Variants in ME1 observed in about 807,000 individuals in gnomAD.
ME1 encodes NADP-dependent malic enzyme.
ME1 carries 74 observed loss-of-function variants against 66.4 expected under a neutral mutation model. The observed-to-expected ratio is 1.11, with a 90% CI of 0.92 to 1.35. ME1 has a LOEUF of 1.35. Among genes scored for constraint, ME1 ranks in the 40% most tolerant of loss-of-function variants. The pLI, the probability that ME1 is intolerant of heterozygous loss-of-function variation, is 0.00. For synonymous variants in ME1, 251 were observed against 235.6 expected, an observed-to-expected ratio of 1.07 and a Z score of -0.60; for missense variants, 750 against 694.1, an observed-to-expected ratio of 1.08 and a Z score of -0.90.
Position 83,239,610 on chromosome 6 carries a change from G to C in ME1, c.841C>G (p.Leu281Val), listed in dbSNP as rs1220161043. 6.2e-7 allele frequency: 1 copy of C among 1,612,878 alleles called. No individual in the cohort carries two copies. Among genetic ancestry groups the C allele is most frequent in the African/African-American group, 1.3e-5 (1 of 74,888 alleles). Residue 281 changes from leucine (L) to valine (V), a missense_variant, in exon 8 of 14, where the codon CTC (leucine) becomes GTC (valine). Transcript: ENST00000369705. ...QGTASVAVAG[L>V]LAALRITKNK... The stretch of plus-strand genomic sequence containing the variant: ...TTGGTTATTCGAAGAGCTGCAAGGA[G>C]ACCTGCAACTGCAACAGATGCTGTT...
intron 9 of ME1, among the ~76,000 whole-genome samples, chr6:83,229,814 A>C (rs1405489296): frequency 2.6e-5 from 4 of 152,112 alleles, no homozygotes; most frequent in African/African-American, 9.7e-5. Context: ...AAAGGGTATT[A>C]TCATTTTATT....
chr6:83,349,138 G>T (rs1204897277), intron 4 of ME1, among the ~76,000 whole-genome samples: 1 of 151,288 alleles, frequency 6.6e-6, no homozygotes, highest in Non-Finnish European at 1.5e-5. Flanking sequence ...AGTTTGAGAA[G>T]TTTTTAAAAT....
At chr6:83,249,651 A>G (rs993262630) in intron 7 of ME1, among the ~76,000 whole-genome samples, 6 of 152,132 alleles carry the variant, frequency 3.9e-5, no homozygotes, top group Non-Finnish European at 8.8e-5. Flanking sequence ...ACTTTCTTTG[A>G]TCACCTCATT....
chr6:83,217,212 G>C (rs974539321), intron 12 of ME1, among the ~76,000 whole-genome samples: 10 of 152,150 alleles, frequency 6.6e-5, no homozygotes, highest in African/African-American at 2.2e-4. Flanking sequence ...GGCAGAGAGG[G>C]AGACTCAGTA....
intron 6 of ME1, among the ~76,000 whole-genome samples, chr6:83,302,331 CA>C (rs796256883): frequency 2.1e-4 from 31 of 146,444 alleles, no homozygotes; most frequent in East Asian, 5.9e-4. Flanking sequence ...GGGAGAAGAG[CA>C]AAAAAAAAAT....
At chr6:83,329,973 A>G (rs908150006) in intron 5 of ME1, among the ~76,000 whole-genome samples, 1 of 152,050 alleles carries the variant, frequency 6.6e-6, no homozygotes, top group African/African-American at 2.4e-5. Flanking sequence ...TACAGGCACC[A>G]TACCTGGCTA....
intron 9 of ME1, among the ~76,000 whole-genome samples, chr6:83,231,013 A>G (rs1790298458): frequency 6.6e-6 from 1 of 152,198 alleles, no homozygotes; most frequent in South Asian, 2.1e-4. Context: ...TCCCTACCAC[A>G]TGCGTTTTTA....
At chr6:83,238,225 G>A (rs1011838258) in intron 8 of ME1, among the ~76,000 whole-genome samples, 2 of 152,088 alleles carry the variant, frequency 1.3e-5, no homozygotes, top group Non-Finnish European at 2.9e-5. Flanking sequence ...TGACCAATTA[G>A]GCAACAGAAT....
intron 6 of ME1, among the ~76,000 whole-genome samples, chr6:83,259,055 T>C (rs574266040): frequency 6.6e-6 from 1 of 152,324 alleles, no homozygotes; most frequent in East Asian, 1.9e-4. Flanking sequence ...TTTCTTTGAT[T>C]ATAACTGATC....
At chr6:83,305,372 G>T (rs1265548166) in intron 6 of ME1, among the ~76,000 whole-genome samples, 1 of 152,098 alleles carries the variant, frequency 6.6e-6, no homozygotes, top group Non-Finnish European at 1.5e-5. Context: ...GCAAAACAAG[G>T]GTGATCAGGA....
At chr6:83,426,690 G>A (rs912663971) in intron 1 of ME1, among the ~76,000 whole-genome samples, 1 of 152,164 alleles carries the variant, frequency 6.6e-6, no homozygotes, top group Non-Finnish European at 1.5e-5. Flanking sequence ...TGATTTTTTA[G>A]ATGTAAAAGT....
At chr6:83,293,764 T>G (rs1231452303) in intron 6 of ME1, among the ~76,000 whole-genome samples, 1 of 152,218 alleles carries the variant, frequency 6.6e-6, no homozygotes, top group African/African-American at 2.4e-5. Flanking sequence ...TTCCAGGGTA[T>G]CTCCTCAATT....
intron 3 of ME1, among the ~76,000 whole-genome samples, chr6:83,370,655 C>G (rs774564658): frequency 5.3e-5 from 8 of 152,006 alleles, no homozygotes; most frequent in Non-Finnish European, 1.2e-4. Flanking sequence ...AGGTTTCTTT[C>G]CAAACATTAC....
rs1767603334 is a variant in ME1, at chr6:83,296,695, G to A, written c.704+18615C>T. On this transcript the variant is annotated intron_variant, in intron 6 of 13. Transcript: ENST00000369705. ...CAATCAGGCAAGAGAAAGAAATAAA[G>A]GCATCCAAATAGGAAGAAAGGAAGT... Among the ~76,000 whole-genome samples, 4 of 152,246 alleles carry A rather than the reference G, an allele frequency of 2.6e-5. 1 individual carries two copies. The South Asian group carries it at 8.3e-4, about 32-fold the overall frequency.
At chr6:83,233,836 C>T (rs768053189) in intron 9 of ME1, among the ~76,000 whole-genome samples, 1 of 151,874 alleles carries the variant, frequency 6.6e-6, no homozygotes, top group Non-Finnish European at 1.5e-5. Flanking sequence ...CACTAATTTA[C>T]TGGTTATTCT....
At chr6:83,271,755 C>T (rs1767085483) in intron 6 of ME1, among the ~76,000 whole-genome samples, 1 of 152,014 alleles carries the variant, frequency 6.6e-6, no homozygotes, top group Non-Finnish European at 1.5e-5. Context: ...AAATTCTCCA[C>T]ATACCAAGGA....
intron 5 of ME1, among the ~76,000 whole-genome samples, chr6:83,317,092 C>A (rs905499595): frequency 6.6e-6 from 1 of 151,978 alleles, no homozygotes; most frequent in Non-Finnish European, 1.5e-5. Flanking sequence ...ATAATAAAGT[C>A]TAAAACAGAG....
At chr6:83,420,490 C>G (rs1770243372) in intron 1 of ME1, among the ~76,000 whole-genome samples, 1 of 152,180 alleles carries the variant, frequency 6.6e-6, no homozygotes. Flanking sequence ...AACAGTTTAT[C>G]TTAATTAAGC....
At chr6:83,349,015 A>C (rs56314967) in intron 4 of ME1, among the ~76,000 whole-genome samples, 16,529 of 121,784 alleles carry the variant, frequency 0.14, 1,999 homozygotes, top group Middle Eastern at 0.17. Flanking sequence ...AAAACAAAAA[A>C]CAGTGCATTC....
Sources: gnomAD v4.1 joint callset for allele counts (sites outside exome capture counted in the v4.1 genomes callset) on GRCh38, gnomAD v4.1.1 for gene constraint, MANE v1.5 for transcripts, NCBI Gene and HGNC (gene_info 2026-07-23, HGNC 2026-07-21) for gene names.